APOB: variants seen among roughly 807,000 people sequenced by gnomAD.
The protein encoded by APOB is apolipoprotein B-100.
A neutral mutation model predicts 314.1 loss-of-function variants in APOB; 153 were observed. The ratio of observed to expected loss-of-function variants is 0.49; its 90% CI spans 0.43 to 0.56. The LOEUF (loss-of-function observed/expected upper bound fraction) is 0.56. APOB is among the 20% of genes least tolerant of loss of function. The pLI, the probability that APOB is intolerant of heterozygous loss-of-function variation, is 0.00. For missense variants in APOB, 5,430 were observed against 5,350.7 expected (o/e 1.01, Z -0.46); for synonymous variants, 2,087 against 2,036.4 (o/e 1.02, Z -0.67).
Position 21,008,023 on chromosome 2 carries a change from T to C in APOB, c.8845A>G (p.Thr2949Ala). ...AAGGAAGTGAGGGGTCCTTCTATGG[T>C]GAAACTAATTTGTGATTCATGTGTT... Reference protein sequence around the residue: ...EGTHESQISFTIEGPLTSFGL... With the variant: ...EGTHESQISFAIEGPLTSFGL... Residue 2949 changes from threonine (T) to alanine (A), a missense_variant, in exon 26 of 29, where the codon ACC (threonine) becomes GCC (alanine). Physicochemically the swap from Thr to Ala is moderately conservative, Grantham distance 58. Around this residue, in one of 3 missense-constraint regions of APOB, gnomAD observed 3,281 missense variants for 3,171.0 expected, o/e 1.03. Transcript: ENST00000233242. 6.2e-7 allele frequency: 1 copy of C among 1,614,074 alleles called. No homozygotes were observed. Among genetic ancestry groups the C allele is most frequent in the East Asian group, 2.2e-5 (1 of 44,880 alleles).
chr2:21,002,863 T>C lies in APOB; in HGVS notation c.12559A>G (p.Lys4187Glu). 6.2e-7 allele frequency: 1 copy of C among 1,613,606 alleles called. No individual in the cohort carries two copies. Among genetic ancestry groups the C allele is most frequent in the Non-Finnish European group, 8.5e-7 (1 of 1,179,834 alleles). ...RVTQEFHMKV[K>E]HLIDSLIDFL... The stretch of plus-strand genomic sequence containing the variant: ...TCAATGAGTGAGTCAATCAGATGCT[T>C]GACTTTCATATGGAATTCTTGAGTA... The change falls in exon 29 of 29, where the codon AAG becomes GAG. Residue 4187 changes from lysine (K) to glutamate (E), a missense_variant. Coordinates refer to ENST00000233242, the MANE Select transcript of APOB (RefSeq NM_000384.3).
At chr2:21,019,155 T>A in intron 19 of APOB, 42 bp from the exon 20 acceptor site, 2 of 1,613,308 alleles carry the variant, frequency 1.2e-6, no homozygotes, top group Non-Finnish European at 1.7e-6. Flanking sequence ...TGTTAGAGCT[T>A]TCAAGGATGG....
In APOB at chr2:21,042,252, C is replaced by T. The variant is rs571642759; in HGVS notation, c.237+109G>A. The T allele has an allele frequency of 6.6e-5, 54 of 817,876 alleles. 1 individual carries two copies. The highest frequency in any genetic ancestry group is 6.2e-4 in the South Asian group (46 of 74,594). 50.7% of individuals were successfully genotyped at this position (817,876 alleles called of 1,614,324 possible). On this transcript the variant is annotated intron_variant, in intron 3 of 28. Transcript: ENST00000233242. ...ATTACAACAGTTCTGGGATGTTCTG[C>T]GTTTGCTCAGTACACACCCTCCGGG...
chr2:21,014,710 A>G, intron 23 of APOB, 117 bp from the exon 24 acceptor site: 1 of 1,033,388 alleles, frequency 9.7e-7, no homozygotes, highest in Non-Finnish European at 1.5e-6. Context: ...CAATGCACTG[A>G]AAGTTAAAAA....
chr2:21,016,635 C>T lies in APOB; in HGVS notation c.3136G>A (p.Glu1046Lys), dbSNP rs905574070. ...VTQAEGAKQT[E>K]ATMTFKYNRQ... is the part of the protein sequence containing the mutation. ...TTATATTTGAATGTCATGGTAGCCT[C>T]AGTCTGCTTCGCACCTGGACGAGTG... The change falls in exon 21 of 29, where the codon GAG becomes AAG. Residue 1046 changes from glutamate (E) to lysine (K), a missense_variant. Coordinates refer to ENST00000233242, the MANE Select transcript of APOB (RefSeq NM_000384.3). 5 of 1,605,806 alleles carry T rather than the reference C, an allele frequency of 3.1e-6. No homozygotes were observed. Among genetic ancestry groups the T allele is most frequent in the Non-Finnish European group, 4.3e-6 (5 of 1,172,428 alleles).
Position 21,023,007 on chromosome 2 carries a change from A to T in APOB, c.2640T>A (p.Ser880=). 3 of 1,614,214 alleles carry T rather than the reference A, an allele frequency of 1.9e-6. No individual in the cohort carries two copies. The highest frequency in any genetic ancestry group is 2.5e-6 in the Non-Finnish European group (3 of 1,180,036). Residue 880 remains serine, a synonymous_variant, in exon 18 of 29, where the codon TCT becomes TCA. Coordinates refer to ENST00000233242, the MANE Select transcript of APOB (RefSeq NM_000384.3). ...TGCCCATATTTGTCACAAACTCCACAGACACGGAGGGTTTTGCCACCAGTT... is the reference window on the plus strand; with the variant it reads ...TGCCCATATTTGTCACAAACTCCACTGACACGGAGGGTTTTGCCACCAGTT... ...QAELVAKPSV[S]VEFVTNMGII... is the part of the protein sequence containing the mutation.
rs1663445334 is a variant in APOB at position 21,015,543 on chromosome 2, C to T, written c.3335G>A (p.Cys1112Tyr). The change falls in exon 22 of 29, where the codon TGT becomes TAT. Residue 1112 changes from cysteine (C) to tyrosine (Y), a missense_variant and splice_region_variant. Coordinates refer to ENST00000233242, the MANE Select transcript of APOB (RefSeq NM_000384.3). The part of the protein sequence containing the change: ...TEVALMGHLS[C>Y]DTKEERKIKG... ...GATTTTTCTTTCTTCCTTTGTGTCA[C>T]AACTATGGTAAAGAAAATCAGTTGG... The T allele has an allele frequency of 6.2e-7, 1 of 1,612,258 alleles. No individual in the cohort carries two copies. Among genetic ancestry groups the T allele is most frequent in the African/African-American group, 1.3e-5 (1 of 75,002 alleles).
Position 21,017,090 on chromosome 2 carries a change from C to T in APOB, c.3122-441G>A, listed in dbSNP as rs572748539. Among the ~76,000 whole-genome samples the T allele has an allele frequency of 1.2e-3, 178 of 151,682 alleles. 2 individuals are homozygous for T. The highest frequency in any genetic ancestry group is 3.4e-3 in the Middle Eastern group (1 of 294). ...AAAGAGAGGAAAAGGTAGAGAAACT[C>T]CAAGGAATCAATGTGCTTAAACAAA... On this transcript the variant is annotated intron_variant, in intron 20 of 28. Transcript: ENST00000233242.
In APOB at chr2:21,033,542, G is replaced by T. The variant is rs144474823; in HGVS notation, c.905-24C>A. The T allele has an allele frequency of 1.5e-5, 24 of 1,586,052 alleles. No individual in the cohort carries two copies. The East Asian group carries it at 1.8e-4, about 12-fold the overall frequency. ...ACCTGGAAGATGGAAAGTGTCAAAGGAACTCTAGCTTTCTTCATCTCAACC... is the reference window on the plus strand; with the variant it reads ...ACCTGGAAGATGGAAAGTGTCAAAGTAACTCTAGCTTTCTTCATCTCAACC... On this transcript the variant is annotated intron_variant, in intron 8 of 28. Transcript: ENST00000233242.
chr2:21,012,763 AAT>A, intron 25 of APOB, 112 bp from the exon 26 acceptor site: 1 of 1,125,954 alleles, frequency 8.9e-7, no homozygotes, highest in Non-Finnish European at 1.3e-6. Context: ...CCAATTGTGC[AAT>A]AGACTCCTCC....
intron 12 of APOB, 68 bp from the exon 13 acceptor site, chr2:21,028,606 C>G: frequency 9.6e-7 from 1 of 1,036,324 alleles, no homozygotes; most frequent in Non-Finnish European, 1.5e-6. Context: ...CTGGCAAACA[C>G]TGGCATTGTC....
intron 10 of APOB, among the ~76,000 whole-genome samples, chr2:21,030,749 CAA>C (rs12720808): frequency 6.6e-6 from 1 of 151,838 alleles, no homozygotes; most frequent in Non-Finnish European, 1.5e-5. Flanking sequence ...AACAACTCAA[CAA>C]AAAAATCCCC....
In APOB at chr2:21,001,545, C is replaced by A. The variant is rs376756366; in HGVS notation, c.*185G>T. The A allele has an allele frequency of 4.9e-5, 29 of 591,392 alleles. No individual in the cohort carries two copies. Among genetic ancestry groups the A allele is most frequent in the South Asian group, 3.1e-4 (14 of 45,556 alleles). The allele number at this position is 591,392 out of a possible 1,614,324, so 36.6% of individuals were successfully genotyped here. Reference sequence around the variant, plus strand: ...AATGCCATCCTTCTGAGTTCAGAGACCTTCCGAGCCCTGGTGCCAGCTTTG... The same window carrying A: ...AATGCCATCCTTCTGAGTTCAGAGAACTTCCGAGCCCTGGTGCCAGCTTTG... On this transcript the variant is annotated 3_prime_UTR_variant, in exon 29 of 29. Coordinates refer to ENST00000233242, the MANE Select transcript of APOB (RefSeq NM_000384.3).
In APOB at chr2:21,042,376, G is replaced by A. The variant is rs771199003; in HGVS notation, c.222C>T (p.Thr74=). ...VPGTADSRSA[T]RINCKVELEV... is the part of the protein sequence containing the mutation. ...TCCTCCATACCTTGCAGTTGATCCTGGTGGCACTTCTTGAATCAGCAGTCC... is the reference window on the plus strand; with the variant it reads ...TCCTCCATACCTTGCAGTTGATCCTAGTGGCACTTCTTGAATCAGCAGTCC... The change falls in exon 3 of 29, where the codon ACC becomes ACT. Residue 74 remains threonine (T), a synonymous_variant. Transcript: ENST00000233242. 1 of 1,613,222 alleles carries A rather than the reference G, an allele frequency of 6.2e-7. No individual in the cohort carries two copies. Among genetic ancestry groups the A allele is most frequent in the Non-Finnish European group, 8.5e-7 (1 of 1,179,252 alleles).
At chr2:21,036,054 A>AT (rs1376781107) in intron 6 of APOB, among the ~76,000 whole-genome samples, 2 of 152,202 alleles carry the variant, frequency 1.3e-5, no homozygotes, top group African/African-American at 2.4e-5. Context: ...TATTCTTTGC[A>AT]TTTTTTGGGT....
intron 5 of APOB, 52 bp from the exon 6 acceptor site, chr2:21,037,307 G>C: frequency 6.3e-7 from 1 of 1,582,222 alleles, no homozygotes; most frequent in South Asian, 1.1e-5. Flanking sequence ...CAACATCCTT[G>C]GGTACTTGGG....
rs763756961 is a variant in APOB at position 21,002,537 on chromosome 2, C to A, written c.12885G>T (p.Val4295=). ...KAIQSLKTTE[V]LRNLQDLLQF... ...GTAAAAGGTCCTGAAGATTACGTAG[C>A]ACCTCTGTGGTCTTGAGAGACTGAA... Residue 4295 remains valine (V), a synonymous_variant, in exon 29 of 29, where the codon GTG becomes GTT. Coordinates refer to ENST00000233242, the MANE Select transcript of APOB (RefSeq NM_000384.3). 2 of 1,613,700 alleles carry A rather than the reference C, an allele frequency of 1.2e-6. No homozygotes were observed. The highest frequency in any genetic ancestry group is 1.7e-6 in the Non-Finnish European group (2 of 1,179,798).
chr2:21,009,313 T>C lies in APOB; in HGVS notation c.7555A>G (p.Thr2519Ala). Residue 2519 changes from threonine (T) to alanine (A), a missense_variant, in exon 26 of 29, where the codon ACA becomes GCA. Thr to Ala is a moderately conservative substitution (Grantham distance 58, BLOSUM62 0). Transcript: ENST00000233242. ...TCCATTTGATACATTCGGTCTCGTGTATCTTCTAGGGTCTCTCGGAATTTG... is the reference window on the plus strand; with the variant it reads ...TCCATTTGATACATTCGGTCTCGTGCATCTTCTAGGGTCTCTCGGAATTTG... ...KAKFRETLED[T>A]RDRMYQMDIQ... 1 of 1,614,150 alleles carries C rather than the reference T, an allele frequency of 6.2e-7. No homozygotes were observed. The highest frequency in any genetic ancestry group is 8.5e-7 in the Non-Finnish European group (1 of 1,179,988).
intron 28 of APOB, 74 bp from the exon 29 acceptor site, chr2:21,003,408 A>G: frequency 7.8e-7 from 1 of 1,281,716 alleles, no homozygotes; most frequent in Non-Finnish European, 1.1e-6. Flanking sequence ...CTAAAACTTC[A>G]TTAGCAGTTA....
Sources: allele counts gnomAD v4.1 joint callset (sites outside exome capture counted in the v4.1 genomes callset), GRCh38; gene constraint gnomAD v4.1.1; regional missense constraint gnomAD v4.1.1; transcripts MANE v1.5; gene names NCBI Gene and HGNC (gene_info 2026-07-23, HGNC 2026-07-21).